LURAP1L: variants seen among roughly 807,000 people sequenced by gnomAD.
LURAP1L encodes leucine rich adaptor protein 1 like, also known as leucine rich adaptor protein 1-like.
In LURAP1L, 12 loss-of-function variants were observed where a neutral mutation model predicts 13.8. The observed-to-expected ratio is 0.87, with a 90% CI of 0.56 to 1.41. The LOEUF (loss-of-function observed/expected upper bound fraction) is 1.41. LURAP1L is among the 40% of genes most tolerant of loss of function. The pLI is 0.00. For synonymous variants in LURAP1L, 139 were observed against 119.2 expected, an observed-to-expected ratio of 1.17 and a Z score of -1.08; for missense variants, 375 against 292.9, an observed-to-expected ratio of 1.28 and a Z score of -2.04.
chr9:12,804,398 G>A (rs1355290524), intron 1 of LURAP1L, among the ~76,000 whole-genome samples: 1 of 148,938 alleles, frequency 6.7e-6, no homozygotes, highest in South Asian at 2.1e-4. Flanking sequence ...AGGCTGGAGT[G>A]CAGTGGCATG....
At chr9:12,791,869 A>G (rs1003342284) in intron 1 of LURAP1L, among the ~76,000 whole-genome samples, 10 of 152,130 alleles carry the variant, frequency 6.6e-5, no homozygotes, top group African/African-American at 2.4e-4. Context: ...TTGTCACACA[A>G]TTAATGCCAC....
chr9:12,802,761 C>T (rs1040672371), intron 1 of LURAP1L, among the ~76,000 whole-genome samples: 8 of 152,262 alleles, frequency 5.3e-5, no homozygotes, highest in Middle Eastern at 6.8e-3. Flanking sequence ...CACGGCATCT[C>T]TCGGGGTTAT....
chr9:12,797,563 A>C (rs1819526074), intron 1 of LURAP1L, among the ~76,000 whole-genome samples: 1 of 152,202 alleles, frequency 6.6e-6, no homozygotes, highest in South Asian at 2.1e-4. Context: ...CATTATTATC[A>C]GAAAATTATC....
intron 1 of LURAP1L, among the ~76,000 whole-genome samples, chr9:12,776,769 T>C (rs1586872216): frequency 6.6e-6 from 1 of 152,176 alleles, no homozygotes; most frequent in East Asian, 1.9e-4. Context: ...TTGTTTTCCC[T>C]GCTGTTTGCA....
At chr9:12,815,155 T>A (rs1246230242) in intron 1 of LURAP1L, among the ~76,000 whole-genome samples, 1 of 152,126 alleles carries the variant, frequency 6.6e-6, no homozygotes, top group Non-Finnish European at 1.5e-5. Context: ...TTGAAAACAC[T>A]GCTGGAAATT....
intron 1 of LURAP1L, among the ~76,000 whole-genome samples, chr9:12,781,413 C>G (rs1819268686): frequency 6.6e-6 from 1 of 152,180 alleles, no homozygotes; most frequent in African/African-American, 2.4e-5. Flanking sequence ...GCTCGCTACC[C>G]CTTCCCAGCC....
intron 1 of LURAP1L, among the ~76,000 whole-genome samples, chr9:12,812,394 C>T (rs190240194): frequency 3.3e-5 from 5 of 152,280 alleles, no homozygotes; most frequent in East Asian, 3.9e-4. Context: ...CTAGGAGCAG[C>T]GCCCATCCAT....
intron 1 of LURAP1L, among the ~76,000 whole-genome samples, chr9:12,799,019 A>C (rs1462520385): frequency 2.6e-5 from 4 of 152,190 alleles, no homozygotes. Flanking sequence ...AACTGTCATC[A>C]GAAAATGTTC....
intron 1 of LURAP1L, among the ~76,000 whole-genome samples, chr9:12,802,306 T>A (rs1819598093): frequency 1.3e-5 from 2 of 152,088 alleles, no homozygotes; most frequent in Admixed American, 1.3e-4. Context: ...TCCCCAGTGG[T>A]GGAGGTTGGG....
chr9:12,793,027 G>A (rs936988858), intron 1 of LURAP1L, among the ~76,000 whole-genome samples: 1 of 151,898 alleles, frequency 6.6e-6, no homozygotes, highest in Non-Finnish European at 1.5e-5. Flanking sequence ...CTGGAAAAAC[G>A]AACTAGAACA....
intron 1 of LURAP1L, among the ~76,000 whole-genome samples, chr9:12,815,742 C>T (rs10960807): frequency 0.25 from 37,736 of 151,832 alleles, 5,817 homozygotes; most frequent in African/African-American, 0.43. Context: ...TCCAAGGCTC[C>T]AGAAAGGCAA....
At chr9:12,807,580 G>T (rs1265478674) in intron 1 of LURAP1L, among the ~76,000 whole-genome samples, 2 of 152,022 alleles carry the variant, frequency 1.3e-5, no homozygotes, top group Non-Finnish European at 2.9e-5. Flanking sequence ...ATTTAAGGTG[G>T]GTTTCTAGTA....
chr9:12,801,985 G>A (rs959691283), intron 1 of LURAP1L, among the ~76,000 whole-genome samples: 2 of 152,136 alleles, frequency 1.3e-5, no homozygotes, highest in African/African-American at 4.8e-5. Flanking sequence ...TTCTGAGAGT[G>A]AATCTGTCAC....
chr9:12,790,988 A>G (rs1224396162), intron 1 of LURAP1L, among the ~76,000 whole-genome samples: 1 of 152,188 alleles, frequency 6.6e-6, no homozygotes, highest in East Asian at 1.9e-4. Flanking sequence ...CCTAAGTAGC[A>G]TCAATCACTA....
At chr9:12,807,689 G>A (rs1163880418) in intron 1 of LURAP1L, among the ~76,000 whole-genome samples, 2 of 152,136 alleles carry the variant, frequency 1.3e-5, no homozygotes, top group Non-Finnish European at 2.9e-5. Flanking sequence ...GATTGATATA[G>A]TTGGATTAAT....
intron 1 of LURAP1L, among the ~76,000 whole-genome samples, chr9:12,780,780 C>T (rs890861302): frequency 2.6e-5 from 4 of 151,868 alleles, no homozygotes; most frequent in Non-Finnish European, 4.4e-5. Context: ...TGTAAAACTT[C>T]CAATAATACA....
At chr9:12,815,422 C>T (rs890032745) in intron 1 of LURAP1L, among the ~76,000 whole-genome samples, 4 of 152,130 alleles carry the variant, frequency 2.6e-5, no homozygotes, top group African/African-American at 9.7e-5. Flanking sequence ...CCACCAACTA[C>T]AAATCAGAGA....
At chr9:12,804,413 C>T (rs1018181884) in intron 1 of LURAP1L, among the ~76,000 whole-genome samples, 3 of 149,030 alleles carry the variant, frequency 2.0e-5, no homozygotes, top group Admixed American at 6.7e-5. Context: ...GGCATGGTCT[C>T]GGCTCACTGC....
chr9:12,800,980 T>A (rs1819578316), intron 1 of LURAP1L, among the ~76,000 whole-genome samples: 2 of 152,206 alleles, frequency 1.3e-5, no homozygotes. Context: ...GTCACAGCAT[T>A]TCTCAGGGTT....
Sources: allele counts gnomAD v4.1 joint callset (sites outside exome capture counted in the v4.1 genomes callset), GRCh38; gene constraint gnomAD v4.1.1; transcripts MANE v1.5; gene names NCBI Gene and HGNC (gene_info 2026-07-23, HGNC 2026-07-21).